The following EFCAB6 variants were observed in gnomAD, a reference collection of about 807,000 sequenced individuals.
The protein encoded by EFCAB6 is EF-hand calcium binding domain 6, also known as EF-hand calcium-binding domain-containing protein 6.
In EFCAB6, 156 loss-of-function variants were observed where a neutral mutation model predicts 169.8. The observed-to-expected ratio is 0.92, with a 90% confidence interval of 0.81 to 1.05. The LOEUF is 1.05. Among genes scored for constraint, EFCAB6 ranks in the 50% least tolerant of loss-of-function variants. EFCAB6 has a pLI of 0.00. For missense variants in EFCAB6, 1,800 were observed against 1,829.1 expected (o/e 0.98, Z 0.29); for synonymous variants, 698 against 676.4 (o/e 1.03, Z -0.50).
chr22:43,735,855 A>C lies in EFCAB6; in HGVS notation c.644+2T>G, dbSNP rs771515283. 1.2e-6 allele frequency: 2 copies of C among 1,611,302 alleles called. No individual in the cohort carries two copies. The highest frequency in any genetic ancestry group is 1.7e-5 in the Admixed American group (1 of 59,216). ...TCTCTCACCGTGCCTTCATTTGCTTACTTTTCGTATTCCTCGTCTCTTAAC... is the reference window on the plus strand; with the variant it reads ...TCTCTCACCGTGCCTTCATTTGCTTCCTTTTCGTATTCCTCGTCTCTTAAC... On this transcript the variant is annotated splice_donor_variant, in intron 7 of 31. Coordinates refer to ENST00000262726, the MANE Select transcript of EFCAB6 (RefSeq NM_022785.4). LOFTEE classifies it high-confidence loss of function.
chr22:43,791,803 G>A (rs1315262242), intron 2 of EFCAB6, among the ~76,000 whole-genome samples: 2 of 152,274 alleles, frequency 1.3e-5, no homozygotes, highest in African/African-American at 4.8e-5. Context: ...GCTGTAATGG[G>A]GAGAAACAGT....
intron 10 of EFCAB6, among the ~76,000 whole-genome samples, chr22:43,697,679 G>A (rs1322863881): frequency 2.0e-5 from 3 of 152,132 alleles, no homozygotes; most frequent in Non-Finnish European, 4.4e-5. Context: ...GCTCCTAAAA[G>A]TGTCCCAGGG....
intron 26 of EFCAB6, among the ~76,000 whole-genome samples, chr22:43,575,650 T>C (rs1185962346): frequency 6.6e-6 from 1 of 152,090 alleles, no homozygotes; most frequent in East Asian, 1.9e-4. Context: ...CACAATAGTG[T>C]ATTTTGTTTA....
chr22:43,609,158 C>T (rs2053130959), intron 21 of EFCAB6, among the ~76,000 whole-genome samples: 1 of 152,206 alleles, frequency 6.6e-6, no homozygotes, highest in South Asian at 2.1e-4. Flanking sequence ...ATTTAATCTT[C>T]TTCATAACAA....
chr22:43,692,448 T>A (rs958617262), intron 10 of EFCAB6, among the ~76,000 whole-genome samples: 2 of 152,148 alleles, frequency 1.3e-5, no homozygotes, highest in African/African-American at 4.8e-5. Flanking sequence ...ATGCAGGATT[T>A]TAAAAGCAAT....
chr22:43,760,461 G>A (rs1002882593), intron 5 of EFCAB6, among the ~76,000 whole-genome samples: 1 of 152,122 alleles, frequency 6.6e-6, no homozygotes, highest in African/African-American at 2.4e-5. Context: ...ATAATGTCTA[G>A]ATAGGCATTT....
At chr22:43,632,353 G>A (rs979117223) in intron 18 of EFCAB6, 115 bp from the exon 19 acceptor site, 35 of 1,413,640 alleles carry the variant, frequency 2.5e-5, no homozygotes, top group Admixed American at 1.7e-4. Flanking sequence ...AGGCTGGAGC[G>A]CAGTGGTGCA....
At chr22:43,576,112 T>G (rs913648272) in intron 26 of EFCAB6, among the ~76,000 whole-genome samples, 185 bp downstream of exon 26, 32 of 152,180 alleles carry the variant, frequency 2.1e-4, no homozygotes, top group African/African-American at 7.2e-4. Flanking sequence ...TCCAACAAAG[T>G]AAAGGATGCA....
At chr22:43,587,217 T>C (rs1200324524) in intron 24 of EFCAB6, among the ~76,000 whole-genome samples, 1 of 152,164 alleles carries the variant, frequency 6.6e-6, no homozygotes, top group African/African-American at 2.4e-5. Flanking sequence ...ATGGAAGACC[T>C]GGAGGTATAT....
In EFCAB6 at chr22:43,654,971, T is replaced by C. The variant is rs545656080; in HGVS notation, c.1983+12133A>G. ...TAATGCCTGTGAGATTTAAAATACA[T>C]GTGAGGCCAGGCGCTGTGGCTCACA... On this transcript the variant is annotated intron_variant, in intron 17 of 31. Coordinates refer to ENST00000262726, the MANE Select transcript of EFCAB6 (RefSeq NM_022785.4). 9.2e-5 allele frequency among the ~76,000 whole-genome samples: 14 copies of C among 152,272 alleles called. 1 individual carries two copies. Among genetic ancestry groups the C allele is most frequent in the Middle Eastern group, 6.8e-3 (2 of 294 alleles).
intron 30 of EFCAB6, among the ~76,000 whole-genome samples, 163 bp from the exon 31 acceptor site, chr22:43,531,127 A>T (rs1379014716): frequency 2.6e-5 from 4 of 152,202 alleles, no homozygotes; most frequent in Non-Finnish European, 4.4e-5. Flanking sequence ...AGAACTCGTC[A>T]CAAAGATGCG....
At chr22:43,772,863 G>C in intron 4 of EFCAB6, 29 bp downstream of exon 4, 1 of 1,609,376 alleles carries the variant, frequency 6.2e-7, no homozygotes, top group East Asian at 2.2e-5. Context: ...TGGAATTGAG[G>C]GATTCTAAGT....
chr22:43,766,251 T>C (rs1472749282), intron 4 of EFCAB6, among the ~76,000 whole-genome samples: 1 of 152,188 alleles, frequency 6.6e-6, no homozygotes, highest in Non-Finnish European at 1.5e-5. Flanking sequence ...CAGGATGGTC[T>C]TGAACTCCTG....
chr22:43,767,358 T>C (rs550129597), intron 4 of EFCAB6, among the ~76,000 whole-genome samples: 3 of 152,366 alleles, frequency 2.0e-5, no homozygotes, highest in East Asian at 3.9e-4. Context: ...TCTTTTCTGA[T>C]AATGCATTTT....
chr22:43,744,192 GATGA>G lies in EFCAB6; in HGVS notation c.508-8203_508-8200del, dbSNP rs1399189444. Among the ~76,000 whole-genome samples the G allele has an allele frequency of 2.0e-5, 3 of 151,842 alleles. No individual in the cohort carries two copies. In the East Asian group the frequency reaches 5.8e-4, roughly 29 times the overall value. On this transcript the variant is annotated intron_variant, in intron 6 of 31. Coordinates refer to ENST00000262726, the MANE Select transcript of EFCAB6 (RefSeq NM_022785.4). This position sits in a 1 kb window ranked among gnomAD's most constrained non-coding sequence, Gnocchi z 4.3. Reference sequence around the variant, plus strand: ...TGGGTAGATGGATGAATGGATGGATGATGAATGAATGGATGGAAGGGCTATGGAC... The same window carrying G: ...TGGGTAGATGGATGAATGGATGGATGATGAATGGATGGAAGGGCTATGGAC...
intron 10 of EFCAB6, among the ~76,000 whole-genome samples, chr22:43,706,320 G>C (rs982039719): frequency 6.6e-6 from 1 of 152,206 alleles, no homozygotes; most frequent in Non-Finnish European, 1.5e-5. Flanking sequence ...CCTTTTCATA[G>C]AAGCCTTTCC....
intron 17 of EFCAB6, among the ~76,000 whole-genome samples, chr22:43,654,880 T>C (rs2056657630): frequency 6.6e-6 from 1 of 152,150 alleles, no homozygotes; most frequent in African/African-American, 2.4e-5. Context: ...AAATGTGAGA[T>C]GGAAAGAAGA....
chr22:43,718,366 A>T (rs1480945465), intron 8 of EFCAB6, among the ~76,000 whole-genome samples: 1 of 152,228 alleles, frequency 6.6e-6, no homozygotes, highest in East Asian at 1.9e-4. Context: ...AGCACACTTA[A>T]TTCAGCTGCA....
At chr22:43,534,556 T>G (rs1414958925) in intron 30 of EFCAB6, 132 bp downstream of exon 30, 2 of 817,744 alleles carry the variant, frequency 2.4e-6, no homozygotes, top group Non-Finnish European at 3.6e-6. Flanking sequence ...AGCTGGGAGT[T>G]TGAGGCTGCA....
Sources: allele counts gnomAD v4.1 joint callset (sites outside exome capture counted in the v4.1 genomes callset), GRCh38; gene constraint gnomAD v4.1.1; non-coding constraint Gnocchi (gnomAD v3.1); transcripts MANE v1.5; gene names NCBI Gene and HGNC (gene_info 2026-07-23, HGNC 2026-07-21).